XPO7: variants seen among roughly 807,000 people sequenced by gnomAD.
XPO7 encodes exportin-7.
In XPO7, 21 loss-of-function variants were observed where a neutral mutation model predicts 144.3. The ratio of observed to expected loss-of-function variants is 0.15; its 90% confidence interval spans 0.10 to 0.21. The LOEUF (loss-of-function observed/expected upper bound fraction) is 0.21, where lower values mean the gene tolerates loss of function less well. Ranked by LOEUF, XPO7 falls within the 10% of genes least tolerant of loss-of-function variation. XPO7 has a pLI of 1.00. For missense variants in XPO7, 808 were observed against 1,325.8 expected (o/e 0.61, Z 6.06); for synonymous variants, 580 against 499.6 (o/e 1.16, Z -2.15).
chr8:21,987,539 GAATT>G (rs1812620912), intron 14 of XPO7, among the ~76,000 whole-genome samples: 2 of 152,198 alleles, frequency 1.3e-5, no homozygotes, highest in African/African-American at 4.8e-5. Flanking sequence ...CTCCATGCAT[GAATT>G]AATATTCAGA....
At chr8:21,989,916 C>CTCGGCTCA in intron 16 of XPO7, among the ~76,000 whole-genome samples, 1 of 131,122 alleles carries the variant, frequency 7.6e-6, no homozygotes. Flanking sequence ...GTTGCGCGAT[C>CTCGGCTCA]TCGGCTCACT....
Position 21,980,198 on chromosome 8 carries a change from C to G in XPO7, c.952C>G (p.Pro318Ala). The change falls in exon 9 of 28, where the codon CCA becomes GCA. Residue 318 changes from proline (P) to alanine (A), a missense_variant. Coordinates refer to ENST00000252512, the MANE Select transcript of XPO7 (RefSeq NM_015024.5). ...TGGTGTTAAACGAATACTGGAAAACCCACAGGTAAGTTTATCTGAGAATTT... is the reference window on the plus strand; with the variant it reads ...TGGTGTTAAACGAATACTGGAAAACGCACAGGTAAGTTTATCTGAGAATTT... ...VDGVKRILEN[P>A]QSLSDPNNYH... 1 of 1,588,206 alleles carries G rather than the reference C, an allele frequency of 6.3e-7. No individual in the cohort carries two copies. Among genetic ancestry groups the G allele is most frequent in the Non-Finnish European group, 8.6e-7 (1 of 1,165,962 alleles).
rs1038799653 is a variant in XPO7 at position 21,999,477 on chromosome 8, C to A, written c.2644-59C>A. On this transcript the variant is annotated intron_variant, in intron 23 of 27. Transcript: ENST00000252512. ...GGAGCTAAGCTATTTAAGATCGTCT[C>A]CCTGCATGCTGGAGTGCATAGTGCC... 2.5e-6 allele frequency: 4 copies of A among 1,604,198 alleles called. No individual in the cohort carries two copies. In the African/African-American group the frequency reaches 5.4e-5, roughly 22 times the overall value.
At chr8:21,950,395 G>A (rs1811328308) in intron 1 of XPO7, among the ~76,000 whole-genome samples, 1 of 152,154 alleles carries the variant, frequency 6.6e-6, no homozygotes. Flanking sequence ...CTAAACTATA[G>A]GAGCTAATTT....
In XPO7 at chr8:21,976,415, G is replaced by C. The variant is rs13276598; in HGVS notation, c.657G>C (p.Leu219=). 4,820 of 1,613,970 alleles carry C rather than the reference G, an allele frequency of 3.0e-3. 17 individuals carry two copies. The highest frequency in any genetic ancestry group is 2.8e-3 in the Non-Finnish European group (3,293 of 1,179,884). Residue 219 remains leucine (L), a synonymous_variant, in exon 7 of 28, where the codon CTG becomes CTC. Coordinates refer to ENST00000252512, the MANE Select transcript of XPO7 (RefSeq NM_015024.5). The part of the protein sequence containing the change: ...DESQHGLLMQ[L]LKLTHNCLNF... ...GTCAGCATGGCTTGCTCATGCAACT[G>C]CTCAAGCTCACTCATAACTGCCTCA...
At chr8:21,938,447 T>A (rs895492303) in intron 1 of XPO7, among the ~76,000 whole-genome samples, 19 of 152,224 alleles carry the variant, frequency 1.2e-4, no homozygotes, top group African/African-American at 4.6e-4. Flanking sequence ...CTGTAAGTTC[T>A]TTTTTAGTTC....
chr8:22,004,148 C>T, intron 27 of XPO7, 118 bp downstream of exon 27: 1 of 1,343,644 alleles, frequency 7.4e-7, no homozygotes. Context: ...TAAAGCAATG[C>T]AATGCAATAG....
In XPO7 at chr8:21,974,661, T is replaced by C; in HGVS notation, c.493-9T>C. 1 of 1,553,022 alleles carries C rather than the reference T, an allele frequency of 6.4e-7. No homozygotes were observed. The highest frequency in any genetic ancestry group is 1.2e-5 in the South Asian group (1 of 80,446). On this transcript the variant is annotated splice_polypyrimidine_tract_variant and intron_variant, in intron 5 of 27. Coordinates refer to ENST00000252512, the MANE Select transcript of XPO7 (RefSeq NM_015024.5). ...ATTCTTTGCATTGGTTTCTTCTTTT[T>C]CTGCACAGGCAGACACCACCCATCC...
chr8:21,988,074 T>C (rs758161541), intron 15 of XPO7, among the ~76,000 whole-genome samples: 1 of 152,200 alleles, frequency 6.6e-6, no homozygotes, highest in Non-Finnish European at 1.5e-5. Flanking sequence ...ATTTTGTTCT[T>C]GCAGAATCTC....
chr8:21,965,003 T>A (rs889705541), intron 1 of XPO7, among the ~76,000 whole-genome samples: 2 of 152,224 alleles, frequency 1.3e-5, no homozygotes, highest in Non-Finnish European at 2.9e-5. Flanking sequence ...GCTCAAAGTG[T>A]GTGATGGCTG....
chr8:21,999,242 C>A lies in XPO7; in HGVS notation c.2580C>A (p.Ala860=). 1 of 1,613,758 alleles carries A rather than the reference C, an allele frequency of 6.2e-7. No homozygotes were observed. Among genetic ancestry groups the A allele is most frequent in the Non-Finnish European group, 8.5e-7 (1 of 1,179,848 alleles). ...FGVFRLYGDD[A]LDNALQTFIK... is the part of the protein sequence containing the mutation. ...TCTTTCGTCTCTATGGAGACGATGCCCTGGACAATGCTCTGCAGACCTTCA... is the reference window on the plus strand; with the variant it reads ...TCTTTCGTCTCTATGGAGACGATGCACTGGACAATGCTCTGCAGACCTTCA... Residue 860 remains alanine (A), a synonymous_variant, in exon 23 of 28, where the codon GCC becomes GCA. Coordinates refer to ENST00000252512, the MANE Select transcript of XPO7 (RefSeq NM_015024.5).
intron 21 of XPO7, among the ~76,000 whole-genome samples, chr8:21,997,979 G>C (rs1164965152): frequency 6.6e-6 from 1 of 152,184 alleles, no homozygotes; most frequent in Non-Finnish European, 1.5e-5. Context: ...GGCCTTCTCT[G>C]TCTGGCTTCT....
At position 21,951,090 on chromosome 8, in the gene XPO7, TTTAA is replaced by T. The variant is rs200902908; in HGVS notation, c.19-15742_19-15739del. 3.8e-3 allele frequency among the ~76,000 whole-genome samples: 581 copies of T among 151,902 alleles called. 3 individuals carry two copies. The highest frequency in any genetic ancestry group is 4.3e-3 in the African/African-American group (180 of 41,386). On this transcript the variant is annotated intron_variant, in intron 1 of 27. Coordinates refer to ENST00000252512, the MANE Select transcript of XPO7 (RefSeq NM_015024.5). ...CAGCCTGGGCGACAGAGCGAGTAAA[TTTAA>T]TTAATTAATTAATTAATTAATTAAG...
chr8:21,999,857 C>G (rs1430237832), intron 24 of XPO7, among the ~76,000 whole-genome samples, 183 bp downstream of exon 24: 1 of 152,210 alleles, frequency 6.6e-6, no homozygotes, highest in African/African-American at 2.4e-5. Flanking sequence ...GATTCCCTTC[C>G]TAAGTACAAG....
intron 19 of XPO7, 86 bp from the exon 20 acceptor site, chr8:21,994,277 T>G (rs943566387): frequency 3.2e-6 from 3 of 951,684 alleles, no homozygotes; most frequent in Non-Finnish European, 4.9e-6. Flanking sequence ...GAGAAAGAAT[T>G]TGATGATACA....
At chr8:21,975,872 A>G (rs1438678093) in intron 6 of XPO7, among the ~76,000 whole-genome samples, 2 of 152,230 alleles carry the variant, frequency 1.3e-5, no homozygotes, top group African/African-American at 4.8e-5. Flanking sequence ...AGTAAATAAA[A>G]TTCACTGATG....
At chr8:22,001,045 C>T (rs545290432) in intron 24 of XPO7, among the ~76,000 whole-genome samples, 50 of 152,132 alleles carry the variant, frequency 3.3e-4, no homozygotes, top group African/African-American at 1.1e-3. Context: ...GGGACCTGGC[C>T]GGGCGTGGTG....
intron 1 of XPO7, among the ~76,000 whole-genome samples, chr8:21,941,034 G>T (rs1025251628): frequency 2.0e-5 from 3 of 152,074 alleles, no homozygotes; most frequent in Non-Finnish European, 4.4e-5. Context: ...GTGGGGGATT[G>T]GTTCCAGACC....
At chr8:21,952,283 C>G (rs1321007197) in intron 1 of XPO7, among the ~76,000 whole-genome samples, 1 of 151,856 alleles carries the variant, frequency 6.6e-6, no homozygotes, top group Non-Finnish European at 1.5e-5. Context: ...TAGTATCAAC[C>G]CTGTTCTTCA....
Sources: gnomAD v4.1 joint callset for allele counts (sites outside exome capture counted in the v4.1 genomes callset) on GRCh38, gnomAD v4.1.1 for gene constraint, MANE v1.5 for transcripts, NCBI Gene and HGNC (gene_info 2026-07-23, HGNC 2026-07-21) for gene names.